MICALL2: variants seen among roughly 807,000 people sequenced by gnomAD.
MICALL2 encodes the protein MICAL like 2.
In MICALL2, 111 loss-of-function variants were observed where a neutral mutation model predicts 91.1. That is an observed-to-expected ratio of 1.22 (90% CI 1.04 to 1.43). MICALL2 has a LOEUF of 1.43. MICALL2 is among the 40% of genes most tolerant of loss of function. The probability of loss-of-function intolerance (pLI) is 0.00; values close to 1 mark genes in which losing one functional copy is unlikely to be tolerated. For missense variants in MICALL2, 1,556 were observed against 1,236.0 expected (o/e 1.26, Z -3.88); for synonymous variants, 694 against 525.3 (o/e 1.32, Z -4.39).
At chr7:1,437,126 C>T in intron 14 of MICALL2, 1 of 477,418 alleles carries the variant, frequency 2.1e-6, no homozygotes, top group Non-Finnish European at 3.7e-6. Flanking sequence ...GCGTCGCTGT[C>T]CCTGCAGCAC....
At chr7:1,442,110 GCA>G (rs1780310319) in intron 7 of MICALL2, 80 bp downstream of exon 7, 2 of 1,473,150 alleles carry the variant, frequency 1.4e-6, no homozygotes, top group Non-Finnish European at 9.3e-7. Context: ...TGATGAAACC[GCA>G]CACACTGCAG....
At position 1,435,089 on chromosome 7, in the gene MICALL2, C is replaced by T. The variant is rs779969876; in HGVS notation, c.2638+12G>A. 29 of 1,612,560 alleles carry T rather than the reference C, an allele frequency of 1.8e-5. No individual in the cohort carries two copies. Among genetic ancestry groups the T allele is most frequent in the East Asian group, 2.2e-5 (1 of 44,860 alleles). ...CAGCCAGCCCAGCCCTCAGCATCCC[C>T]GGCCCAGTCACCCAGCTTCTCAATC... On this transcript the variant is annotated intron_variant, in intron 16 of 16. Transcript: ENST00000297508.
intron 5 of MICALL2, 77 bp from the exon 6 acceptor site, chr7:1,445,505 C>T (rs189316897): frequency 2.2e-6 from 3 of 1,363,868 alleles, no homozygotes; most frequent in Non-Finnish European, 2.9e-6. Flanking sequence ...CTCCTGATAG[C>T]AGGCATTGCG....
Position 1,445,093 on chromosome 7 carries a change from C to A in MICALL2, c.977G>T (p.Arg326Leu), listed in dbSNP as rs778498854. 65 of 1,551,928 alleles carry A rather than the reference C, an allele frequency of 4.2e-5. 1 individual carries two copies. In the East Asian group the frequency reaches 1.3e-3, roughly 31 times the overall value. Residue 326 changes from arginine to leucine, a missense_variant, in exon 6 of 17, where the codon CGC becomes CTC. By Grantham distance (102) the Arg-to-Leu change is moderately radical. Transcript: ENST00000297508. ...VRSPARPSES[R>L]LAPTPTEGKV... Reference sequence around the variant, plus strand: ...CCCCTCCGTGGGAGTGGGGGCCAGGCGGCTCTCAGAGGGCCTGGCTGGGCT... The same window carrying A: ...CCCCTCCGTGGGAGTGGGGGCCAGGAGGCTCTCAGAGGGCCTGGCTGGGCT...
At position 1,452,586 on chromosome 7, in the gene MICALL2, G is replaced by A. The variant is rs1201854227; in HGVS notation, c.144-2298C>T. On this transcript the variant is annotated intron_variant, in intron 1 of 16. Coordinates refer to ENST00000297508, the MANE Select transcript of MICALL2 (RefSeq NM_182924.4). This position sits in a 1 kb window ranked among gnomAD's most constrained non-coding sequence, Gnocchi z 6.2. The stretch of plus-strand genomic sequence containing the variant: ...TCTAAACAAGCAGGAGGAGGAGGCT[G>A]TCTGCCTCCCGCACTTGTTTCCGTC... Among the ~76,000 whole-genome samples, 5 of 152,178 alleles carry A rather than the reference G, an allele frequency of 3.3e-5. No individual in the cohort carries two copies. The highest frequency in any genetic ancestry group is 7.4e-5 in the Non-Finnish European group (5 of 68,012).
chr7:1,451,346 G>A lies in MICALL2; in HGVS notation c.144-1058C>T, dbSNP rs546932057. 6.6e-6 allele frequency among the ~76,000 whole-genome samples: 1 copy of A among 152,248 alleles called. No homozygotes were observed. The highest frequency in any genetic ancestry group is 2.1e-4 in the South Asian group (1 of 4,818). ...CCACCAGGCTCCCAGCACGGGCTGC[G>A]GCTTCTGGGAGGGAGGGTTGGTTAA... is the stretch of plus-strand genomic sequence containing the variant. On this transcript the variant is annotated intron_variant, in intron 1 of 16. Transcript: ENST00000297508. The surrounding 1 kb of genome is among the most constrained non-coding windows in gnomAD (Gnocchi z 4.5).
In MICALL2 at chr7:1,438,138, C is replaced by T. The variant is rs184555166; in HGVS notation, c.2270G>A (p.Arg757His). ...IERRLDALEL[R>H]GVELEKRLRA... ...CAGTCGCTTCTCCAGCTCCACGCCG[C>T]GGAGCTCCAGGGCGTCCAGCCGCCT... Residue 757 changes from arginine (R) to histidine (H), a missense_variant, in exon 12 of 17, where the codon CGC becomes CAC. Arg to His is a conservative substitution (Grantham distance 29). Transcript: ENST00000297508. The T allele has an allele frequency of 7.5e-4, 1,176 of 1,562,076 alleles. 4 individuals are homozygous for T. In the African/African-American group the frequency reaches 0.013, roughly 17 times the overall value.
intron 1 of MICALL2, among the ~76,000 whole-genome samples, chr7:1,455,591 G>A (rs934314712): frequency 1.3e-5 from 2 of 152,036 alleles, no homozygotes; most frequent in African/African-American, 4.8e-5. Context: ...CGTGGCTCAA[G>A]GAGCCGGAAC....
chr7:1,442,713 T>G (rs1780365782), intron 6 of MICALL2, among the ~76,000 whole-genome samples: 4 of 150,074 alleles, frequency 2.7e-5, no homozygotes. Flanking sequence ...TGCAGCTCGC[T>G]CCCAATGACC....
In MICALL2 at chr7:1,452,164, G is replaced by A. The variant is rs145425013; in HGVS notation, c.144-1876C>T. Among the ~76,000 whole-genome samples the A allele has an allele frequency of 6.6e-5, 10 of 152,302 alleles. 1 individual carries two copies. The East Asian group carries it at 7.7e-4, about 12-fold the overall frequency. ...GGCAGGACCACCCGTCTGCACAGGCGGAGCTTCTGCACGCCGGACAAGATG... is the reference window on the plus strand; with the variant it reads ...GGCAGGACCACCCGTCTGCACAGGCAGAGCTTCTGCACGCCGGACAAGATG... On this transcript the variant is annotated intron_variant, in intron 1 of 16. Transcript: ENST00000297508. This position sits in a 1 kb window ranked among gnomAD's most constrained non-coding sequence, Gnocchi z 6.2.
At chr7:1,448,428 G>A (rs545730818) in intron 3 of MICALL2, among the ~76,000 whole-genome samples, 192 bp downstream of exon 3, 46 of 152,312 alleles carry the variant, frequency 3.0e-4, no homozygotes, top group Middle Eastern at 3.4e-3. Context: ...GCATGGGGCC[G>A]GGGTTGGGGA....
chr7:1,447,712 A>T lies in MICALL2; in HGVS notation c.388T>A (p.Ser130Thr). 1 of 1,577,532 alleles carries T rather than the reference A, an allele frequency of 6.3e-7. No individual in the cohort carries two copies. Among genetic ancestry groups the T allele is most frequent in the African/African-American group, 1.3e-5 (1 of 74,188 alleles). Residue 130 changes from serine to threonine, a missense_variant, in exon 4 of 17, where the codon TCA becomes ACA. By Grantham distance (58) the Ser-to-Thr change is moderately conservative. Coordinates refer to ENST00000297508, the MANE Select transcript of MICALL2 (RefSeq NM_182924.4). ...RASEDSEEEP[S>T]GKKAPVQAAK... is the part of the protein sequence containing the mutation. ...GCCTGGACTGGAGCCTTCTTCCCTGACGGCTCCTCCTCAGAGTCCTCCGAG... is the reference window on the plus strand; with the variant it reads ...GCCTGGACTGGAGCCTTCTTCCCTGTCGGCTCCTCCTCAGAGTCCTCCGAG...
In MICALL2 at chr7:1,442,235, T is replaced by C; in HGVS notation, c.1668A>G (p.Pro556=). 1 of 1,612,828 alleles carries C rather than the reference T, an allele frequency of 6.2e-7. No individual in the cohort carries two copies. The highest frequency in any genetic ancestry group is 1.1e-5 in the South Asian group (1 of 91,082). The change falls in exon 7 of 17, where the codon CCA becomes CCG. Residue 556 remains proline (P), a synonymous_variant. Transcript: ENST00000297508. ...GRVGAGSRPK[P]EAPMAKGKST... is the part of the protein sequence containing the mutation. Reference sequence around the variant, plus strand: ...TTTTACCCTTTGCCATCGGGGCCTCTGGCTTCGGCCTGGAGCCAGCACCCA... The same window carrying C: ...TTTTACCCTTTGCCATCGGGGCCTCCGGCTTCGGCCTGGAGCCAGCACCCA...
At chr7:1,455,416 C>T (rs529432768) in intron 1 of MICALL2, among the ~76,000 whole-genome samples, 5 of 152,294 alleles carry the variant, frequency 3.3e-5, no homozygotes, top group Admixed American at 2.6e-4. Context: ...AACCCACAGC[C>T]GCAGGTGAGA....
chr7:1,437,257 T>C (rs1780018958), intron 14 of MICALL2: 1 of 507,304 alleles, frequency 2.0e-6, no homozygotes, highest in African/African-American at 2.1e-5. Flanking sequence ...CTTGTGCGAA[T>C]TGATTCGTTT....
chr7:1,452,079 T>C lies in MICALL2; in HGVS notation c.144-1791A>G, dbSNP rs565357037. The stretch of plus-strand genomic sequence containing the variant: ...CCTGCCGTCCATCAATCTGCTGGGA[T>C]CCTTGGGAACCCTCCACCGTTTCCA... On this transcript the variant is annotated intron_variant, in intron 1 of 16. Coordinates refer to ENST00000297508, the MANE Select transcript of MICALL2 (RefSeq NM_182924.4). The surrounding 1 kb of genome is among the most constrained non-coding windows in gnomAD (Gnocchi z 6.2). 6.6e-6 allele frequency among the ~76,000 whole-genome samples: 1 copy of C among 152,162 alleles called. No homozygotes were observed. Among genetic ancestry groups the C allele is most frequent in the Non-Finnish European group, 1.5e-5 (1 of 67,992 alleles).
Position 1,448,633 on chromosome 7 carries a change from G to T in MICALL2, c.321C>A (p.His107Gln). The T allele has an allele frequency of 1.2e-6, 2 of 1,612,644 alleles. No homozygotes were observed. Among genetic ancestry groups the T allele is most frequent in the Non-Finnish European group, 1.7e-6 (2 of 1,179,878 alleles). ...GCAGGGACTCACTGGGGGAGCGGCC[G>T]TGGAAGTAGTTGTAATACTGGGACA... ...TYVSQYYNYF[H>Q]GRSPIGGMAG... The change falls in exon 3 of 17, where the codon CAC (histidine) becomes CAA (glutamine). Residue 107 changes from histidine to glutamine, a missense_variant. His to Gln is a conservative substitution (Grantham distance 24). Transcript: ENST00000297508.
In MICALL2 at chr7:1,434,564, G is replaced by T; in HGVS notation, c.*32C>A. The T allele has an allele frequency of 6.3e-7, 1 of 1,578,816 alleles. No homozygotes were observed. Among genetic ancestry groups the T allele is most frequent in the Non-Finnish European group, 8.7e-7 (1 of 1,148,236 alleles). The stretch of plus-strand genomic sequence containing the variant: ...GCCCCGAGTCCAAGTCCGGATGCCA[G>T]GTCCGGGCCGAGCCCACGGCCCTAC... On this transcript the variant is annotated 3_prime_UTR_variant, in exon 17 of 17. Coordinates refer to ENST00000297508, the MANE Select transcript of MICALL2 (RefSeq NM_182924.4).
At chr7:1,458,036 C>T (rs563874028) in intron 1 of MICALL2, among the ~76,000 whole-genome samples, 4 of 152,402 alleles carry the variant, frequency 2.6e-5, no homozygotes, top group African/African-American at 4.8e-5. Context: ...CGAGGGAGAG[C>T]GGCTGCTGCC....
Sources: allele counts gnomAD v4.1 joint callset (sites outside exome capture counted in the v4.1 genomes callset), GRCh38; gene constraint gnomAD v4.1.1; non-coding constraint Gnocchi (gnomAD v3.1); transcripts MANE v1.5; gene names NCBI Gene and HGNC (gene_info 2026-07-23, HGNC 2026-07-21).